Variants in PALD1 observed in about 807,000 individuals in gnomAD.
PALD1 encodes the protein phosphatase domain containing paladin 1.
A neutral mutation model predicts 96.0 loss-of-function variants in PALD1; 57 were observed. The observed-to-expected ratio is 0.59, with a 90% CI of 0.48 to 0.74. PALD1 has a LOEUF of 0.74. PALD1 is among the 30% of genes least tolerant of loss of function. PALD1 has a pLI of 0.00. For synonymous variants in PALD1, 464 were observed against 473.6 expected, an observed-to-expected ratio of 0.98 and a Z score of 0.26; for missense variants, 1,063 against 1,143.7, an observed-to-expected ratio of 0.93 and a Z score of 1.02.
At chr10:70,469,405 CCG>C in the PALD1 span, among the ~76,000 whole-genome samples, 1,225 of 152,274 alleles carry the variant, frequency 8.0e-3, 10 homozygotes, top group Non-Finnish European at 0.012. Context: ...AACTGCTGGA[CCG>C]TGAATGCTTA....
chr10:70,459,190 GCA>G, the PALD1 span, among the ~76,000 whole-genome samples: 77 of 146,640 alleles, frequency 5.3e-4, no homozygotes, highest in African/African-American at 1.9e-3. Flanking sequence ...TAAACATTTT[GCA>G]CAGTTACCTC....
Position 70,535,389 on chromosome 10 carries a change from C to A in PALD1, c.1227+546C>A, listed in dbSNP as rs374772791. Among the ~76,000 whole-genome samples the A allele has an allele frequency of 5.1e-5, 6 of 118,096 alleles. No homozygotes were observed. The South Asian group carries it at 2.0e-3, about 40-fold the overall frequency. The allele number at this position is 118,096 out of a possible 152,430, so 77.5% of individuals were successfully genotyped here. On this transcript the variant is annotated intron_variant, in intron 10 of 19. Coordinates refer to ENST00000263563, the MANE Select transcript of PALD1 (RefSeq NM_014431.3). ...TCTCTTCCTCCTCCTCCTTCTCCTC[C>A]CCCCTCTTTTTCCTCACCCTCTTCC...
intron 1 of PALD1, among the ~76,000 whole-genome samples, chr10:70,513,195 A>G (rs10999365): frequency 0.18 from 26,863 of 152,188 alleles, 2,657 homozygotes; most frequent in Middle Eastern, 0.28. Flanking sequence ...TTAAACCTAC[A>G]GACAAATTGA....
chr10:70,508,854 T>TGTGTGTGTGTGTGTGTGTGTGTGTGCGC (rs1406004914), intron 1 of PALD1, among the ~76,000 whole-genome samples: 2 of 122,354 alleles, frequency 1.6e-5, no homozygotes, highest in Non-Finnish European at 3.7e-5. Context: ...TGTGTGTGTG[T>TGTGTGTGTGTGTGTGTGTGTGTGTGCGC]GTGCAGGCCT....
chr10:70,551,180 G>A (rs1192607510), intron 18 of PALD1, among the ~76,000 whole-genome samples: 1 of 152,234 alleles, frequency 6.6e-6, no homozygotes, highest in Non-Finnish European at 1.5e-5. Context: ...GATGTGCGGA[G>A]TCTCTAGAAA....
intron 1 of PALD1, among the ~76,000 whole-genome samples, chr10:70,509,844 A>C (rs1204733908): frequency 6.6e-6 from 1 of 152,154 alleles, no homozygotes; most frequent in East Asian, 1.9e-4. Flanking sequence ...CAGCCAGTAC[A>C]CCAGCTCTGC....
intron 1 of PALD1, among the ~76,000 whole-genome samples, chr10:70,488,128 CT>C (rs61185464): frequency 0.93 from 140,511 of 150,578 alleles, 65,810 homozygotes; most frequent in East Asian, 1. Context: ...ATTTCTCTCT[CT>C]TTTTTTTTTT....
intron 17 of PALD1, among the ~76,000 whole-genome samples, chr10:70,542,121 A>G (rs1216131026): frequency 6.6e-6 from 1 of 151,788 alleles, no homozygotes; most frequent in Non-Finnish European, 1.5e-5. Context: ...TAACTTCGCC[A>G]CTTGCCCCTC....
chr10:70,529,711 A>G (rs1361430943), intron 3 of PALD1, among the ~76,000 whole-genome samples, 178 bp from the exon 4 acceptor site: 1 of 152,110 alleles, frequency 6.6e-6, no homozygotes, highest in African/African-American at 2.4e-5. Context: ...CCCAGATCAC[A>G]GAGAGTTATA....
chr10:70,495,728 GGT>G (rs1292368458), intron 1 of PALD1, among the ~76,000 whole-genome samples: 1 of 151,928 alleles, frequency 6.6e-6, no homozygotes, highest in Non-Finnish European at 1.5e-5. Context: ...TGGCAGGCCG[GGT>G]GTGGTGGCTC....
intron 5 of PALD1, among the ~76,000 whole-genome samples, chr10:70,531,888 C>A (rs1037343244): frequency 1.1e-4 from 17 of 151,342 alleles, no homozygotes; most frequent in African/African-American, 3.6e-4. Flanking sequence ...GAGGCTGAGG[C>A]AGGAGAATTG....
intron 19 of PALD1, among the ~76,000 whole-genome samples, chr10:70,564,945 C>T (rs944060357): frequency 6.6e-6 from 1 of 152,204 alleles, no homozygotes; most frequent in African/African-American, 2.4e-5. Flanking sequence ...GCTGTAGTGG[C>T]CCTGCCCCTT....
chr10:70,468,746 G>T, the PALD1 span, among the ~76,000 whole-genome samples: 2 of 147,310 alleles, frequency 1.4e-5, no homozygotes, highest in African/African-American at 5.1e-5. Context: ...GTGTGTGTGT[G>T]TGTGTTTTGA....
chr10:70,465,850 G>C, the PALD1 span, among the ~76,000 whole-genome samples: 1 of 152,194 alleles, frequency 6.6e-6, no homozygotes, highest in Non-Finnish European at 1.5e-5. Flanking sequence ...TTGAACCCCT[G>C]CCAGGGTCCC....
At position 70,479,873 on chromosome 10, in the gene PALD1, G is replaced by T. The variant is rs1255535919; in HGVS notation, c.-30+814G>T. Among the ~76,000 whole-genome samples, 7 of 152,336 alleles carry T rather than the reference G, an allele frequency of 4.6e-5. No homozygotes were observed. In the East Asian group the frequency reaches 1.4e-3, roughly 29 times the overall value. On this transcript the variant is annotated intron_variant, in intron 1 of 19. Coordinates refer to ENST00000263563, the MANE Select transcript of PALD1 (RefSeq NM_014431.3). Reference sequence around the variant, plus strand: ...GCCCCTGGAATGTGTGGATGGAGGAGGATTTGGAGGATTCTGTCCTCAGGA... The same window carrying T: ...GCCCCTGGAATGTGTGGATGGAGGATGATTTGGAGGATTCTGTCCTCAGGA...
chr10:70,538,809 C>A lies in PALD1; in HGVS notation c.1453-83C>A, dbSNP rs967562487. ...TGAAGCTCGGGTTCCACCCCACCCCCCGTCTGCCTTGGGCCAGGTCCTGAC... is the reference window on the plus strand; with the variant it reads ...TGAAGCTCGGGTTCCACCCCACCCCACGTCTGCCTTGGGCCAGGTCCTGAC... On this transcript the variant is annotated intron_variant, in intron 12 of 19. Coordinates refer to ENST00000263563, the MANE Select transcript of PALD1 (RefSeq NM_014431.3). 19 of 1,146,148 alleles carry A rather than the reference C, an allele frequency of 1.7e-5. No individual in the cohort carries two copies. In the East Asian group the frequency reaches 4.5e-4, roughly 27 times the overall value. The allele number at this position is 1,146,148 out of a possible 1,614,324, so 71.0% of individuals were successfully genotyped here.
intron 18 of PALD1, among the ~76,000 whole-genome samples, 161 bp downstream of exon 18, chr10:70,547,607 G>A (rs951188084): frequency 2.0e-5 from 3 of 152,128 alleles, no homozygotes; most frequent in Non-Finnish European, 4.4e-5. Context: ...AGTGATCCAT[G>A]AGATGGACAC....
intron 1 of PALD1, among the ~76,000 whole-genome samples, chr10:70,481,029 CA>C: frequency 1.3e-5 from 2 of 152,322 alleles, no homozygotes; most frequent in Middle Eastern, 6.8e-3. Context: ...CATAGAAATA[CA>C]CCATTGCTGG....
intron 7 of PALD1, 35 bp from the exon 8 acceptor site, chr10:70,533,882 CCTGGT>C: frequency 6.6e-7 from 1 of 1,513,358 alleles, no homozygotes; most frequent in South Asian, 1.3e-5. Flanking sequence ...CCCAGGGTTT[CCTGGT>C]CTCACTGGGG....
Sources: gnomAD v4.1 joint callset for allele counts (sites outside exome capture counted in the v4.1 genomes callset) on GRCh38, gnomAD v4.1.1 for gene constraint, MANE v1.5 for transcripts, NCBI Gene and HGNC (gene_info 2026-07-23, HGNC 2026-07-21) for gene names.